The following CYFIP2 variants were observed in gnomAD, a reference collection of about 807,000 sequenced individuals.
CYFIP2 encodes cytoplasmic FMR1-interacting protein 2.
A neutral mutation model predicts 158.7 loss-of-function variants in CYFIP2; 29 were observed. The ratio of observed to expected loss-of-function variants is 0.18; its 90% confidence interval spans 0.14 to 0.25. CYFIP2 has a LOEUF of 0.25. CYFIP2 is among the 10% of genes least tolerant of loss of function. The probability of loss-of-function intolerance (pLI) is 1.00; values close to 1 mark genes in which losing one functional copy is unlikely to be tolerated. For missense variants in CYFIP2, 852 were observed against 1,639.5 expected (o/e 0.52, Z 8.29); for synonymous variants, 585 against 617.6 (o/e 0.95, Z 0.78).
In CYFIP2 at chr5:157,394,968, C is replaced by T; in HGVS notation, c.*1968C>T. The T allele has an allele frequency of 6.5e-6, 1 of 152,838 alleles. No homozygotes were observed. Among genetic ancestry groups the T allele is most frequent in the Non-Finnish European group, 1.5e-5 (1 of 68,530 alleles). 9.5% of individuals were successfully genotyped at this position (152,838 alleles called of 1,614,324 possible). ...CTTTAGTCCTGTCTGAGGATGGTAGCTGGCTCTCTGTAGCTGATAGATGGC... is the reference window on the plus strand; with the variant it reads ...CTTTAGTCCTGTCTGAGGATGGTAGTTGGCTCTCTGTAGCTGATAGATGGC... On this transcript the variant is annotated 3_prime_UTR_variant, in exon 31 of 31. Transcript: ENST00000620254.
chr5:157,319,813 G>A lies in CYFIP2; in HGVS notation c.1408G>A (p.Val470Ile), dbSNP rs759348805. 20 of 1,614,022 alleles carry A rather than the reference G, an allele frequency of 1.2e-5. No individual in the cohort carries two copies. The highest frequency in any genetic ancestry group is 3.3e-5 in the Admixed American group (2 of 60,010). The change falls in exon 14 of 31, where the codon GTC becomes ATC. Residue 470 changes from valine (V) to isoleucine (I), a missense_variant. Physicochemically the swap from Val to Ile is conservative, Grantham distance 29 (BLOSUM62 3). Around this residue, in one of 8 missense-constraint regions of CYFIP2, gnomAD observed 167 missense variants for 343.3 expected, o/e 0.49. Transcript: ENST00000620254. Reference protein sequence around the residue: ...LQVLMGRMESVFNQAIRNTIY... With the variant: ...LQVLMGRMESIFNQAIRNTIY... Reference sequence around the variant, plus strand: ...GGTGCTCATGGGCAGGATGGAGAGCGTCTTCAACCAGGCCATCAGGAACAC... The same window carrying A: ...GGTGCTCATGGGCAGGATGGAGAGCATCTTCAACCAGGCCATCAGGAACAC...
chr5:157,379,072 G>T (rs1385885823), intron 26 of CYFIP2, among the ~76,000 whole-genome samples: 1 of 152,016 alleles, frequency 6.6e-6, no homozygotes, highest in Non-Finnish European at 1.5e-5. Flanking sequence ...AGTTCTTCCA[G>T]TTACCTCCAT....
intron 23 of CYFIP2, among the ~76,000 whole-genome samples, chr5:157,341,392 A>C (rs1470963269): frequency 6.6e-6 from 1 of 152,058 alleles, no homozygotes; most frequent in Admixed American, 6.6e-5. Flanking sequence ...TCTACCAAAA[A>C]AATAAAAAAT....
intron 21 of CYFIP2, among the ~76,000 whole-genome samples, chr5:157,333,683 A>G (rs1295433230): frequency 6.6e-6 from 1 of 152,140 alleles, no homozygotes; most frequent in Non-Finnish European, 1.5e-5. Flanking sequence ...GAGATGGCCA[A>G]CCCTCAGACA....
chr5:157,381,547 A>AAAG (rs1561785735), intron 26 of CYFIP2, among the ~76,000 whole-genome samples: 7 of 149,332 alleles, frequency 4.7e-5, no homozygotes, highest in Middle Eastern at 3.5e-3. Context: ...AAAAAAAAAA[A>AAAG]GGGGTGAGGG....
At chr5:157,286,799 A>C (rs918719311) in intron 2 of CYFIP2, among the ~76,000 whole-genome samples, 3 of 152,144 alleles carry the variant, frequency 2.0e-5, no homozygotes, top group Admixed American at 2.0e-4. Context: ...GAACCTGATT[A>C]CTGATGGGAA....
At chr5:157,294,953 C>G in intron 4 of CYFIP2, 93 bp downstream of exon 4, 1 of 1,028,946 alleles carries the variant, frequency 9.7e-7, no homozygotes, top group Non-Finnish European at 1.4e-6. Context: ...GCTTTTCTTT[C>G]CACGTGGTAG....
rs958964537 is a variant in CYFIP2 at position 157,382,679 on chromosome 5, G to A, written c.3112+17G>A. 20 of 1,612,666 alleles carry A rather than the reference G, an allele frequency of 1.2e-5. No individual in the cohort carries two copies. The highest frequency in any genetic ancestry group is 2.7e-5 in the African/African-American group (2 of 74,896). ...ACATCAAAGGTAAGAAACCACTACA[G>A]CAGCTGAATAGCCAACTGGCGTTTG... is the stretch of plus-strand genomic sequence containing the variant. On this transcript the variant is annotated intron_variant, in intron 27 of 30. Transcript: ENST00000620254.
rs1302467306 is a variant in CYFIP2 at position 157,304,340 on chromosome 5, C to G, written c.769C>G (p.Pro257Ala). The change falls in exon 8 of 31, where the codon CCC (proline) becomes GCC (alanine). Residue 257 changes from proline to alanine, a missense_variant. Physicochemically the swap from Pro to Ala is conservative, Grantham distance 27. Transcript: ENST00000620254. ...DYYENKMYLT[P>A]SEKHMLLKVM... is the part of the protein sequence containing the mutation. Reference sequence around the variant, plus strand: ...CTACGAGAACAAGATGTACCTGACTCCCAGTGAGAAACATATGCTCCTCAA... The same window carrying G: ...CTACGAGAACAAGATGTACCTGACTGCCAGTGAGAAACATATGCTCCTCAA... 2 of 1,613,716 alleles carry G rather than the reference C, an allele frequency of 1.2e-6. No homozygotes were observed. The highest frequency in any genetic ancestry group is 4.5e-5 in the East Asian group (2 of 44,884).
chr5:157,314,217 C>A (rs1581039044), intron 11 of CYFIP2, 127 bp from the exon 12 acceptor site: 1 of 1,241,374 alleles, frequency 8.1e-7, no homozygotes, highest in East Asian at 2.8e-5. Flanking sequence ...CTTGTCTGAG[C>A]CTCAGTTTAT....
Position 157,369,879 on chromosome 5 carries a change from G to GTTTTGTTTTTTTT in CYFIP2, c.3039+8285_3039+8286insGTTTTTTTTTTTT, listed in dbSNP as rs534240919. ...AACAAAATCCTTGAGAATGGACCTAGTTTTTTTTTTTTTTTTTTTAAAGAC... is the reference window on the plus strand; with the variant it reads ...AACAAAATCCTTGAGAATGGACCTAGTTTTGTTTTTTTTTTTTTTTTTTTTTTTTTTTAAAGAC... On this transcript the variant is annotated intron_variant, in intron 26 of 30. Coordinates refer to ENST00000620254, the MANE Select transcript of CYFIP2 (RefSeq NM_001037333.3). 9.7e-5 allele frequency among the ~76,000 whole-genome samples: 10 copies of GTTTTGTTTTTTTT among 103,304 alleles called. 1 individual carries two copies. The highest frequency in any genetic ancestry group is 3.0e-4 in the South Asian group (1 of 3,358). The allele number at this position is 103,304 out of a possible 152,430, so 67.8% of individuals were successfully genotyped here. A position where few individuals can be genotyped will look rare whatever the true frequency, so the allele number is the denominator to read the frequency against.
intron 12 of CYFIP2, 120 bp downstream of exon 12, chr5:157,314,583 AT>A (rs1255297798): frequency 8.9e-6 from 12 of 1,342,792 alleles, no homozygotes; most frequent in Non-Finnish European, 1.2e-5. Context: ...GTACCATACG[AT>A]TTACCCATTT....
intron 23 of CYFIP2, among the ~76,000 whole-genome samples, chr5:157,354,623 C>T (rs1763291752): frequency 6.6e-6 from 1 of 151,934 alleles, no homozygotes; most frequent in Non-Finnish European, 1.5e-5. Context: ...TTTGAATTCT[C>T]CTCATTTCAT....
chr5:157,390,478 C>T (rs1038386796), intron 29 of CYFIP2, 43 bp from the exon 30 acceptor site: 13 of 1,190,736 alleles, frequency 1.1e-5, no homozygotes, highest in Non-Finnish European at 1.3e-5. Context: ...CTGCCCTCCT[C>T]CCCCGACCTC....
At chr5:157,371,963 C>T (rs994913635) in intron 26 of CYFIP2, among the ~76,000 whole-genome samples, 4 of 152,090 alleles carry the variant, frequency 2.6e-5, no homozygotes, top group Non-Finnish European at 5.9e-5. Flanking sequence ...ACACTTGGTA[C>T]ATGCAAAACT....
intron 11 of CYFIP2, 73 bp from the exon 12 acceptor site, chr5:157,314,271 G>T: frequency 1.3e-6 from 2 of 1,552,940 alleles, no homozygotes; most frequent in Non-Finnish European, 8.7e-7. Flanking sequence ...CAGTGTTCTT[G>T]GGGGAATCAA....
chr5:157,275,453 G>A (rs1756467983), intron 1 of CYFIP2, among the ~76,000 whole-genome samples: 1 of 152,082 alleles, frequency 6.6e-6, no homozygotes, highest in African/African-American at 2.4e-5. Flanking sequence ...ATAAATGTGA[G>A]GATTTATTTC....
At chr5:157,349,294 C>T (rs906565417) in intron 23 of CYFIP2, among the ~76,000 whole-genome samples, 1 of 152,130 alleles carries the variant, frequency 6.6e-6, no homozygotes, top group Non-Finnish European at 1.5e-5. Context: ...TTCTGAGTCT[C>T]CAAAATTCAT....
intron 3 of CYFIP2, among the ~76,000 whole-genome samples, chr5:157,290,521 C>T (rs1184453874): frequency 6.6e-6 from 1 of 151,312 alleles, no homozygotes; most frequent in African/African-American, 2.4e-5. Flanking sequence ...ACCCGCCTAC[C>T]CCCATTGCAA....
Sources: allele counts gnomAD v4.1 joint callset (sites outside exome capture counted in the v4.1 genomes callset), GRCh38; gene constraint gnomAD v4.1.1; regional missense constraint gnomAD v4.1.1; transcripts MANE v1.5; gene names NCBI Gene and HGNC (gene_info 2026-07-23, HGNC 2026-07-21).